ARHGAP8: variants seen among roughly 807,000 people sequenced by gnomAD.
ARHGAP8 encodes rho GTPase-activating protein 8.
ARHGAP8 carries 62 observed loss-of-function variants against 46.1 expected under a neutral mutation model. The observed-to-expected ratio is 1.34, with a 90% confidence interval of 1.10 to 1.66. The LOEUF is 1.66. Among genes scored for constraint, ARHGAP8 ranks in the 40% most tolerant of loss-of-function variants. The probability of loss-of-function intolerance (pLI) is 0.00; values close to 1 mark genes in which losing one functional copy is unlikely to be tolerated. For missense variants in ARHGAP8, 923 were observed against 568.4 expected (o/e 1.62, Z -6.34); for synonymous variants, 375 against 243.1 (o/e 1.54, Z -5.05).
chr22:44,816,884 C>CTTTTTTTTTT (rs981732386), intron 5 of ARHGAP8, among the ~76,000 whole-genome samples: 11 of 115,108 alleles, frequency 9.6e-5, no homozygotes, highest in African/African-American at 3.3e-4. Context: ...TTCTTTCTTT[C>CTTTTTTTTTT]TTTTTTTTTT....
intron 2 of ARHGAP8, among the ~76,000 whole-genome samples, chr22:44,796,375 G>C (rs987844566): frequency 1.3e-5 from 2 of 151,988 alleles, no homozygotes; most frequent in Non-Finnish European, 2.9e-5. Context: ...GGCCGATGCT[G>C]TATCATTCGG....
Position 44,822,218 on chromosome 22 carries a change from A to G in ARHGAP8, c.387-153A>G, listed in dbSNP as rs577542427. Among the ~76,000 whole-genome samples, 3 of 152,128 alleles carry G rather than the reference A, an allele frequency of 2.0e-5. No homozygotes were observed. In the East Asian group the frequency reaches 5.8e-4, roughly 29 times the overall value. On this transcript the variant is annotated intron_variant, in intron 5 of 11. Coordinates refer to ENST00000356099, the MANE Select transcript of ARHGAP8 (RefSeq NM_181335.3). The stretch of plus-strand genomic sequence containing the variant: ...TCTCCCGGCGTGCGCTGCTTGTGTT[A>G]TGTTCGGGTTTTAAGTCGTGTCAGC...
chr22:44,800,142 TGTC>T (rs1313287213), intron 2 of ARHGAP8, among the ~76,000 whole-genome samples: 1 of 127,634 alleles, frequency 7.8e-6, no homozygotes, highest in African/African-American at 2.9e-5. Flanking sequence ...CTTGCTCTGT[TGTC>T]CATGCTGGAG....
intron 10 of ARHGAP8, among the ~76,000 whole-genome samples, chr22:44,854,207 A>C (rs557721383): frequency 2.9e-4 from 44 of 150,194 alleles, no homozygotes; most frequent in African/African-American, 1.0e-3. Context: ...GAATAAGGCT[A>C]GTTGTCATTT....
intron 2 of ARHGAP8, among the ~76,000 whole-genome samples, chr22:44,788,212 G>C (rs571001400): frequency 6.6e-6 from 1 of 151,870 alleles, no homozygotes. Flanking sequence ...TCCACCTCCC[G>C]TGTTCAAGTG....
At chr22:44,794,578 T>C (rs1049099302) in intron 2 of ARHGAP8, among the ~76,000 whole-genome samples, 1 of 152,002 alleles carries the variant, frequency 6.6e-6, no homozygotes, top group African/African-American at 2.4e-5. Flanking sequence ...GGCATGGTGG[T>C]GCGCACCTGT....
chr22:44,793,686 G>C (rs1204445766), intron 2 of ARHGAP8, among the ~76,000 whole-genome samples: 1 of 152,168 alleles, frequency 6.6e-6, no homozygotes, highest in African/African-American at 2.4e-5. Context: ...TCATAAACCA[G>C]GCTTCTCCTA....
rs537240594 is a variant in ARHGAP8 at position 44,808,830 on chromosome 22, C to T, written c.299+392C>T. ...AATACAAAAAAAAAAAAACCAAAAA[C>T]AAAAACAGAGACAGTCTCGCCCTGT... On this transcript the variant is annotated intron_variant, in intron 4 of 11. Transcript: ENST00000356099. The T allele has an allele frequency of 8.1e-6, 3 of 370,448 alleles. No individual in the cohort carries two copies. In the East Asian group the frequency reaches 2.2e-4, roughly 27 times the overall value. The allele number at this position is 370,448 out of a possible 1,614,324, so 22.9% of individuals were successfully genotyped here. A position where few individuals can be genotyped will look rare whatever the true frequency, so the allele number is the denominator to read the frequency against.
At chr22:44,835,649 C>T (rs540688463) in intron 7 of ARHGAP8, among the ~76,000 whole-genome samples, 250 of 152,218 alleles carry the variant, frequency 1.6e-3, no homozygotes, top group Non-Finnish European at 3.0e-3. Flanking sequence ...GACTTGCAAA[C>T]TCTTCAGAGA....
At position 44,862,379 on chromosome 22, in the gene ARHGAP8, C is replaced by G; in HGVS notation, c.1086C>G (p.Ala362=). 6.2e-7 allele frequency: 1 copy of G among 1,614,140 alleles called. No homozygotes were observed. Among genetic ancestry groups the G allele is most frequent in the Non-Finnish European group, 8.5e-7 (1 of 1,180,000 alleles). The change falls in exon 12 of 12, where the codon GCC becomes GCG. Residue 362 remains alanine, a synonymous_variant. Transcript: ENST00000356099. ...CCCAGGGGGTCTCCTCCCTGAGTGC[C>G]CTTGTGCCCCTGAACATGTTCACTG... ...WPSQGVSSLS[A]LVPLNMFTEL... is the part of the protein sequence containing the mutation.
At chr22:44,842,495 A>G (rs919169180) in intron 7 of ARHGAP8, among the ~76,000 whole-genome samples, 1 of 152,228 alleles carries the variant, frequency 6.6e-6, no homozygotes, top group Non-Finnish European at 1.5e-5. Context: ...TTGTCGTGGA[A>G]TCACCCTCCA....
At chr22:44,812,836 T>C (rs1373425073) in intron 4 of ARHGAP8, among the ~76,000 whole-genome samples, 1 of 152,140 alleles carries the variant, frequency 6.6e-6, no homozygotes, top group Non-Finnish European at 1.5e-5. Context: ...AGGGAAGAGC[T>C]TTTTCTTCTC....
intron 2 of ARHGAP8, among the ~76,000 whole-genome samples, chr22:44,788,530 A>G (rs1427787926): frequency 3.3e-5 from 5 of 151,812 alleles, no homozygotes; most frequent in African/African-American, 1.2e-4. Context: ...AGAAGCTGGG[A>G]TTATAGGCAT....
At chr22:44,808,924 C>G (rs1929140662) in intron 4 of ARHGAP8, 1 of 370,084 alleles carries the variant, frequency 2.7e-6, no homozygotes, top group Non-Finnish European at 5.3e-6. Context: ...CTCAAGCAGT[C>G]CTCTTGCCTC....
At chr22:44,844,314 T>C (rs1489617640) in intron 7 of ARHGAP8, among the ~76,000 whole-genome samples, 1 of 151,956 alleles carries the variant, frequency 6.6e-6, no homozygotes, top group East Asian at 1.9e-4. Context: ...TCCTAAAAAA[T>C]AATTAGCCAG....
chr22:44,858,134 A>G (rs1401963259), intron 10 of ARHGAP8, among the ~76,000 whole-genome samples: 2 of 152,210 alleles, frequency 1.3e-5, no homozygotes, highest in Non-Finnish European at 2.9e-5. Flanking sequence ...TTTTATTAAG[A>G]AGCCAACAGG....
chr22:44,767,443 C>G (rs1055166288), intron 1 of ARHGAP8, among the ~76,000 whole-genome samples: 2 of 152,120 alleles, frequency 1.3e-5, no homozygotes, highest in South Asian at 2.1e-4. Context: ...GATATTCTCC[C>G]GTATAGCCTG....
At chr22:44,859,041 C>A (rs1339707185) in intron 10 of ARHGAP8, among the ~76,000 whole-genome samples, 1 of 151,732 alleles carries the variant, frequency 6.6e-6, no homozygotes, top group East Asian at 1.9e-4. Flanking sequence ...AGGCAGTGGG[C>A]CAGATCTAAG....
intron 7 of ARHGAP8, among the ~76,000 whole-genome samples, chr22:44,833,672 A>G (rs1398244317): frequency 1.3e-5 from 2 of 152,220 alleles, no homozygotes; most frequent in African/African-American, 4.8e-5. Flanking sequence ...TACTGGCCTC[A>G]GAATGAGTTG....
Sources: gnomAD v4.1 joint callset for allele counts (sites outside exome capture counted in the v4.1 genomes callset) on GRCh38, gnomAD v4.1.1 for gene constraint, MANE v1.5 for transcripts, NCBI Gene and HGNC (gene_info 2026-07-23, HGNC 2026-07-21) for gene names.